ENPP2: variants seen among roughly 807,000 people sequenced by gnomAD.
ENPP2 encodes ectonucleotide pyrophosphatase/phosphodiesterase 2, also known as autotaxin.
ENPP2 carries 51 observed loss-of-function variants against 120.2 expected under a neutral mutation model. The observed-to-expected ratio is 0.42, with a 90% CI of 0.34 to 0.54. The LOEUF (loss-of-function observed/expected upper bound fraction) is 0.54. ENPP2 is among the 20% of genes least tolerant of loss of function. ENPP2 has a pLI of 0.04. For synonymous variants in ENPP2, 365 were observed against 366.4 expected, an observed-to-expected ratio of 1.00 and a Z score of 0.04; for missense variants, 920 against 1,066.5, an observed-to-expected ratio of 0.86 and a Z score of 1.91.
chr8:119,671,231 G>A (rs1021166943), intron 1 of ENPP2, among the ~76,000 whole-genome samples: 2 of 152,090 alleles, frequency 1.3e-5, no homozygotes, highest in Non-Finnish European at 2.9e-5. Context: ...AACCCGGGAG[G>A]TGGAAGTTGC....
rs942586871 is a variant in ENPP2 at position 119,587,026 on chromosome 8, A to C, written c.1239+18T>G. 24 of 1,606,092 alleles carry C rather than the reference A, an allele frequency of 1.5e-5. No homozygotes were observed. Among genetic ancestry groups the C allele is most frequent in the Non-Finnish European group, 2.0e-5 (24 of 1,176,618 alleles). On this transcript the variant is annotated intron_variant, in intron 14 of 24. Coordinates refer to ENST00000075322, the MANE Select transcript of ENPP2 (RefSeq NM_001040092.3). The stretch of plus-strand genomic sequence containing the variant: ...GAGGCCTGGGCAGGGCAGAGGCGGG[A>C]CAACTGGAAACACTTACCGTGAGAT...
At chr8:119,601,140 A>G (rs1475242745) in intron 10 of ENPP2, among the ~76,000 whole-genome samples, 2 of 152,192 alleles carry the variant, frequency 1.3e-5, no homozygotes, top group African/African-American at 2.4e-5. Context: ...CTGCTGGTTC[A>G]TTTATCAAAG....
intron 1 of ENPP2, chr8:119,673,241 G>A (rs908145427): frequency 1.3e-6 from 2 of 1,532,828 alleles, no homozygotes; most frequent in East Asian, 2.4e-5. Flanking sequence ...AGAGAGAGGC[G>A]CATACCGTAC....
chr8:119,605,428 ATATGTGTGTGTG>A (rs1269241422), intron 9 of ENPP2, among the ~76,000 whole-genome samples: 4 of 135,462 alleles, frequency 3.0e-5, no homozygotes, highest in South Asian at 5.0e-4. Context: ...AAGATACCAT[ATATGTGTGTGTG>A]TGTGTGTGTG....
At chr8:119,664,554 A>G (rs112124294) in intron 1 of ENPP2, among the ~76,000 whole-genome samples, 159 of 152,352 alleles carry the variant, frequency 1.0e-3, no homozygotes, top group Non-Finnish European at 2.0e-3. Flanking sequence ...TGTTGTACTG[A>G]GTGTTACCAG....
intron 9 of ENPP2, among the ~76,000 whole-genome samples, chr8:119,601,973 T>C (rs1281766796): frequency 6.6e-6 from 1 of 152,216 alleles, no homozygotes; most frequent in African/African-American, 2.4e-5. Flanking sequence ...AAAGGGCATG[T>C]CCAGTGCGTA....
At chr8:119,589,362 G>A (rs1813340729) in intron 13 of ENPP2, among the ~76,000 whole-genome samples, 1 of 152,094 alleles carries the variant, frequency 6.6e-6, no homozygotes, top group South Asian at 2.1e-4. Context: ...AAGTGTTTTT[G>A]TAAAGTACAA....
intron 24 of ENPP2, among the ~76,000 whole-genome samples, chr8:119,559,386 T>C (rs906193289): frequency 3.4e-4 from 51 of 152,236 alleles, no homozygotes; most frequent in African/African-American, 1.1e-3. Context: ...GGTGAAAAGG[T>C]TTTTCCTAAT....
At chr8:119,592,473 C>CA (rs61330053) in intron 12 of ENPP2, among the ~76,000 whole-genome samples, 3,135 of 54,158 alleles carry the variant, frequency 0.058, 215 homozygotes, top group African/African-American at 0.16. Context: ...AACTCCACCT[C>CA]AAAAAAAAAA....
chr8:119,662,351 T>C (rs1269524360), intron 1 of ENPP2, among the ~76,000 whole-genome samples: 1 of 152,196 alleles, frequency 6.6e-6, no homozygotes. Context: ...GTAAATTGCA[T>C]AGATATATAA....
At chr8:119,636,702 T>C (rs949032138) in intron 2 of ENPP2, among the ~76,000 whole-genome samples, 18 of 152,066 alleles carry the variant, frequency 1.2e-4, no homozygotes, top group Non-Finnish European at 2.5e-4. Context: ...CAAAGACTAA[T>C]AAATCCAATC....
chr8:119,558,947 A>T (rs945352461), intron 24 of ENPP2, among the ~76,000 whole-genome samples: 19 of 152,196 alleles, frequency 1.2e-4, no homozygotes, highest in Non-Finnish European at 8.8e-5. Context: ...CTGGACAGGG[A>T]ACTGCAGCAG....
In ENPP2 at chr8:119,569,376, C is replaced by T. The variant is rs369002578; in HGVS notation, c.1918-6G>A. 1.5e-5 allele frequency: 24 copies of T among 1,613,456 alleles called. No individual in the cohort carries two copies. Among genetic ancestry groups the T allele is most frequent in the Admixed American group, 8.3e-5 (5 of 59,988 alleles). On this transcript the variant is annotated splice_polypyrimidine_tract_variant and splice_region_variant and intron_variant, in intron 20 of 24. Coordinates refer to ENST00000075322, the MANE Select transcript of ENPP2 (RefSeq NM_001040092.3). ...GGAACGCTGGAAACCTCAGCCTGCA[C>T]GGGAGTCAGAGGCACTCAGCAATGC...
chr8:119,608,207 C>T (rs557608152), intron 8 of ENPP2, among the ~76,000 whole-genome samples: 1 of 152,296 alleles, frequency 6.6e-6, no homozygotes, highest in East Asian at 1.9e-4. Flanking sequence ...TGCTATGATT[C>T]TAGTGACATA....
chr8:119,576,303 A>G (rs1812334322), intron 19 of ENPP2, among the ~76,000 whole-genome samples: 1 of 152,074 alleles, frequency 6.6e-6, no homozygotes, highest in African/African-American at 2.4e-5. Flanking sequence ...ATGCCCAGCT[A>G]ATTTTTGTAT....
At chr8:119,621,029 C>T (rs1486294075) in intron 4 of ENPP2, among the ~76,000 whole-genome samples, 1 of 152,228 alleles carries the variant, frequency 6.6e-6, no homozygotes, top group Non-Finnish European at 1.5e-5. Context: ...TATCCTGCTT[C>T]CCTTTCCTCC....
chr8:119,622,021 C>A (rs999058637), intron 3 of ENPP2, among the ~76,000 whole-genome samples: 1 of 152,132 alleles, frequency 6.6e-6, no homozygotes, highest in Non-Finnish European at 1.5e-5. Context: ...CTCCGCCTCC[C>A]TGGTTCAAGC....
In ENPP2 at chr8:119,582,482, C is replaced by G. The variant is rs764504735; in HGVS notation, c.1664G>C (p.Gly555Ala). ...PEEVTRPNYP[G>A]IMYLQSDFDL... ...AAAATCAGACTGAAGGTACATAATC[C>G]CTGGATAATTGGGTCTGGTAACTTC... Residue 555 changes from glycine to alanine, a missense_variant, in exon 18 of 25, where the codon GGG becomes GCG. By Grantham distance (60) the Gly-to-Ala change is moderately conservative. Coordinates refer to ENST00000075322, the MANE Select transcript of ENPP2 (RefSeq NM_001040092.3). 1 of 1,614,032 alleles carries G rather than the reference C, an allele frequency of 6.2e-7. No individual in the cohort carries two copies. Among genetic ancestry groups the G allele is most frequent in the South Asian group, 1.1e-5 (1 of 91,076 alleles).
chr8:119,652,790 A>G (rs1239352719), intron 1 of ENPP2, among the ~76,000 whole-genome samples: 1 of 152,204 alleles, frequency 6.6e-6, no homozygotes, highest in Non-Finnish European at 1.5e-5. Context: ...CATGGACTGT[A>G]TCAAAATTCA....
Sources: allele counts gnomAD v4.1 joint callset (sites outside exome capture counted in the v4.1 genomes callset), GRCh38; gene constraint gnomAD v4.1.1; transcripts MANE v1.5; gene names NCBI Gene and HGNC (gene_info 2026-07-23, HGNC 2026-07-21).